The following NLK variants were observed in gnomAD, a reference collection of about 807,000 sequenced individuals.
NLK encodes nemo like kinase.
Under a neutral mutation model 59.0 loss-of-function variants are expected in NLK, and 11 were observed. The observed-to-expected ratio is 0.19, with a 90% confidence interval of 0.12 to 0.31. The LOEUF (loss-of-function observed/expected upper bound fraction) is 0.31. Ranked by LOEUF, NLK falls within the 10% of genes least tolerant of loss-of-function variation. The probability of loss-of-function intolerance (pLI) is 1.00; values close to 1 mark genes in which losing one functional copy is unlikely to be tolerated. For synonymous variants in NLK, 235 were observed against 235.9 expected (o/e 1.00, Z 0.03); for missense variants, 410 against 661.1 (o/e 0.62, Z 4.16).
At chr17:28,203,160 T>C in the NLK span, among the ~76,000 whole-genome samples, 26 of 127,144 alleles carry the variant, frequency 2.0e-4, no homozygotes, top group African/African-American at 7.0e-4. Context: ...TGTATATACA[T>C]ACATACACAC....
rs572883093 is a variant in NLK, at chr17:28,091,120, A to G, written c.459-31483A>G. 5.9e-5 allele frequency among the ~76,000 whole-genome samples: 9 copies of G among 152,330 alleles called. No homozygotes were observed. In the South Asian group the frequency reaches 1.4e-3, roughly 25 times the overall value. On this transcript the variant is annotated intron_variant, in intron 1 of 10. Coordinates refer to ENST00000407008, the MANE Select transcript of NLK (RefSeq NM_016231.5). ...CGTCACTGACTTGAAGCACATCAACATGGATAAATTGTAAAAACAAGGCTG... is the reference window on the plus strand; with the variant it reads ...CGTCACTGACTTGAAGCACATCAACGTGGATAAATTGTAAAAACAAGGCTG...
intron 3 of NLK, among the ~76,000 whole-genome samples, chr17:28,142,948 A>G (rs1907071347): frequency 2.6e-5 from 4 of 152,026 alleles, no homozygotes; most frequent in Admixed American, 2.0e-4. Context: ...TTGGGCATCT[A>G]TGTACTACAG....
At position 28,161,261 on chromosome 17, in the gene NLK, T is replaced by C. The variant is rs1427659038; in HGVS notation, c.746T>C (p.Leu249Ser). The C allele has an allele frequency of 1.3e-6, 2 of 1,591,348 alleles. No individual in the cohort carries two copies. The highest frequency in any genetic ancestry group is 1.7e-6 in the Non-Finnish European group (2 of 1,159,346). Residue 249 changes from leucine (L) to serine (S), a missense_variant, in exon 4 of 11, where the codon TTG (leucine) becomes TCG (serine). Leu to Ser is a moderately radical substitution (Grantham distance 145). Coordinates refer to ENST00000407008, the MANE Select transcript of NLK (RefSeq NM_016231.5). ...GTCAAAGTTTTTCTTTATCAGATTT[T>C]GCGAGGTAAGATTTCTTTATGAAGA... ...DHVKVFLYQILRGLKYLHSAG... is the reference protein window; with the variant it reads ...DHVKVFLYQISRGLKYLHSAG...
chr17:28,146,382 TTGATGATGA>T (rs10633971), intron 3 of NLK, among the ~76,000 whole-genome samples: 6 of 150,480 alleles, frequency 4.0e-5, no homozygotes, highest in South Asian at 2.1e-4. Context: ...TATAACGATG[TTGATGATGA>T]TGATGATGAT....
At chr17:28,175,576 G>A (rs1783354768) in intron 7 of NLK, among the ~76,000 whole-genome samples, 3 of 152,042 alleles carry the variant, frequency 2.0e-5, no homozygotes. Context: ...GGCTTTACTA[G>A]TACCTCCCTT....
intron 3 of NLK, among the ~76,000 whole-genome samples, chr17:28,159,347 G>C (rs544408076): frequency 6.6e-6 from 1 of 152,234 alleles, no homozygotes; most frequent in African/African-American, 2.4e-5. Flanking sequence ...ATCCAGTTTT[G>C]GATGAATTGA....
chr17:28,190,209 C>T (rs142858416), intron 8 of NLK, among the ~76,000 whole-genome samples: 36 of 152,262 alleles, frequency 2.4e-4, no homozygotes, highest in Admixed American at 1.0e-3. Flanking sequence ...CAGTAATACA[C>T]GTATGTCTAC....
chr17:28,139,254 C>CA (rs1018321392), intron 3 of NLK, among the ~76,000 whole-genome samples: 5 of 151,436 alleles, frequency 3.3e-5, no homozygotes, highest in East Asian at 3.9e-4. Flanking sequence ...ATCTCCCCAC[C>CA]AAAAAAAACA....
intron 3 of NLK, among the ~76,000 whole-genome samples, chr17:28,150,801 A>G (rs1045771494): frequency 6.6e-6 from 1 of 152,234 alleles, no homozygotes; most frequent in Admixed American, 6.5e-5. Flanking sequence ...TGAGGTTGGC[A>G]TACCATGCAC....
chr17:28,056,434 C>T (rs1009222579), intron 1 of NLK, among the ~76,000 whole-genome samples: 1 of 152,142 alleles, frequency 6.6e-6, no homozygotes, highest in Admixed American at 6.5e-5. Flanking sequence ...TGCTGCTTTA[C>T]CAGTAATACC....
chr17:28,103,877 A>G (rs73989103), intron 1 of NLK, among the ~76,000 whole-genome samples: 3 of 152,202 alleles, frequency 2.0e-5, no homozygotes, highest in Non-Finnish European at 4.4e-5. Flanking sequence ...ATTTTGTTGT[A>G]TACACTCACT....
chr17:28,159,085 C>T (rs1473161196), intron 3 of NLK, among the ~76,000 whole-genome samples: 3 of 152,026 alleles, frequency 2.0e-5, no homozygotes, highest in Non-Finnish European at 4.4e-5. Context: ...AAAGAGTTAA[C>T]CAAATAGATG....
chr17:28,049,138 G>A, intron 1 of NLK, among the ~76,000 whole-genome samples: 1 of 152,230 alleles, frequency 6.6e-6, no homozygotes, highest in East Asian at 1.9e-4. Flanking sequence ...GACATAGTCA[G>A]TAGTTGTAAG....
chr17:28,042,979 C>T lies in NLK; in HGVS notation c.106C>T (p.Pro36Ser), dbSNP rs138590503. 2.7e-5 allele frequency: 42 copies of T among 1,557,374 alleles called. No individual in the cohort carries two copies. In the African/African-American group the frequency reaches 5.3e-4, roughly 20 times the overall value. The change falls in exon 1 of 11, where the codon CCA becomes TCA. Residue 36 changes from proline (P) to serine (S), a missense_variant. This residue lies in a region of NLK where 160 missense variants were observed against 171.0 expected (regional missense o/e 0.94). Coordinates refer to ENST00000407008, the MANE Select transcript of NLK (RefSeq NM_016231.5). The stretch of plus-strand genomic sequence containing the variant: ...CCACCACCACCATCACCACCACCTT[C>T]CACACCTCCCTCCTCCTCACCTGCA... ...GHHHHHHHHL[P>S]HLPPPHLHHH...
At chr17:28,064,991 CA>C (rs1317120851) in intron 1 of NLK, among the ~76,000 whole-genome samples, 3 of 152,094 alleles carry the variant, frequency 2.0e-5, no homozygotes, top group African/African-American at 7.2e-5. Flanking sequence ...TGGAGAAAAA[CA>C]GTGATTAATT....
At chr17:28,161,354 G>T in intron 4 of NLK, 88 bp downstream of exon 4, 2 of 687,644 alleles carry the variant, frequency 2.9e-6, no homozygotes, top group South Asian at 1.9e-5. Flanking sequence ...GATCTTCCAA[G>T]GTTTTCTTCT....
At chr17:28,081,952 G>A (rs1276943215) in intron 1 of NLK, among the ~76,000 whole-genome samples, 1 of 152,196 alleles carries the variant, frequency 6.6e-6, no homozygotes, top group Non-Finnish European at 1.5e-5. Flanking sequence ...AGAGTGCAGT[G>A]GAGCGATCTC....
At chr17:28,134,339 T>C (rs1906648001) in intron 3 of NLK, among the ~76,000 whole-genome samples, 1 of 152,162 alleles carries the variant, frequency 6.6e-6, no homozygotes, top group South Asian at 2.1e-4. Context: ...AGGTCGAGGC[T>C]GTAGTGAGCT....
At chr17:28,124,565 T>TTAC (rs1385283505) in intron 2 of NLK, among the ~76,000 whole-genome samples, 1 of 152,026 alleles carries the variant, frequency 6.6e-6, no homozygotes, top group Non-Finnish European at 1.5e-5. Context: ...ACCACTTGAG[T>TTAC]TACTATTTTA....
Sources: allele counts gnomAD v4.1 joint callset (sites outside exome capture counted in the v4.1 genomes callset), GRCh38; gene constraint gnomAD v4.1.1; regional missense constraint gnomAD v4.1.1; transcripts MANE v1.5; gene names NCBI Gene and HGNC (gene_info 2026-07-23, HGNC 2026-07-21).